Variants in IGFL2 observed in about 807,000 individuals in gnomAD.
IGFL2 encodes insulin growth factor-like family member 2.
In IGFL2, 7 loss-of-function variants were observed where a neutral mutation model predicts 13.9. The observed-to-expected ratio is 0.51, with a 90% CI of 0.29 to 0.95. The LOEUF (loss-of-function observed/expected upper bound fraction) is 0.95, where lower values mean the gene tolerates loss of function less well. Among genes scored for constraint, IGFL2 ranks in the 40% least tolerant of loss-of-function variants. The pLI, the probability that IGFL2 is intolerant of heterozygous loss-of-function variation, is 0.08. For synonymous variants in IGFL2, 55 were observed against 55.8 expected (o/e 0.99, Z 0.07); for missense variants, 138 against 147.8 (o/e 0.93, Z 0.34).
the IGFL2 span, among the ~76,000 whole-genome samples, chr19:46,198,817 T>C: frequency 6.6e-6 from 1 of 152,158 alleles, no homozygotes; most frequent in African/African-American, 2.4e-5. Context: ...GTCCCTCCTG[T>C]ACACACATGC....
chr19:46,188,010 T>C, the IGFL2 span, among the ~76,000 whole-genome samples: 1 of 152,240 alleles, frequency 6.6e-6, no homozygotes, highest in Non-Finnish European at 1.5e-5. Flanking sequence ...GTTACAGTTT[T>C]TAAATTTGAA....
chr19:46,085,024 A>C, the IGFL2 span, among the ~76,000 whole-genome samples: 2 of 152,214 alleles, frequency 1.3e-5, no homozygotes, highest in Non-Finnish European at 2.9e-5. Flanking sequence ...AATCAAAACA[A>C]GTTATTTACT....
At chr19:46,102,459 A>G in the IGFL2 span, among the ~76,000 whole-genome samples, 2 of 152,180 alleles carry the variant, frequency 1.3e-5, no homozygotes, top group Admixed American at 1.3e-4. Context: ...GGGGGAGAAT[A>G]TTACAAAGTA....
chr19:46,128,464 A>G, the IGFL2 span, among the ~76,000 whole-genome samples: 25 of 152,242 alleles, frequency 1.6e-4, no homozygotes, highest in African/African-American at 5.5e-4. Flanking sequence ...CATTCTGTAT[A>G]ATGTTGGCTG....
chr19:46,123,803 C>T, the IGFL2 span: 3 of 1,439,408 alleles, frequency 2.1e-6, no homozygotes, highest in South Asian at 4.2e-5. Context: ...TAGAACTCCA[C>T]AAACAGGAGT....
the IGFL2 span, among the ~76,000 whole-genome samples, chr19:46,180,972 G>T: frequency 6.6e-6 from 1 of 152,192 alleles, no homozygotes; most frequent in African/African-American, 2.4e-5. Flanking sequence ...GCTGCTCCCA[G>T]TGCACTGACT....
chr19:46,102,760 GTCT>G, the IGFL2 span, among the ~76,000 whole-genome samples: 471 of 152,270 alleles, frequency 3.1e-3, 3 homozygotes, highest in African/African-American at 0.011. Context: ...TGACATTTCT[GTCT>G]TCTTATATTA....
chr19:46,149,980 A>G (rs778505439), intron 1 of IGFL2, among the ~76,000 whole-genome samples: 2 of 152,252 alleles, frequency 1.3e-5, no homozygotes, highest in Non-Finnish European at 2.9e-5. Flanking sequence ...TGCATCAATT[A>G]CATTCCCACC....
the IGFL2 span, among the ~76,000 whole-genome samples, chr19:46,092,350 G>A: frequency 1.1e-4 from 17 of 151,644 alleles, no homozygotes; most frequent in Admixed American, 6.6e-4. Flanking sequence ...TTTTTTTTTG[G>A]CCAGCCACAG....
chr19:46,148,344 C>A (rs1201059118), intron 1 of IGFL2, 47 bp downstream of exon 1: 1 of 1,481,514 alleles, frequency 6.7e-7, no homozygotes, highest in South Asian at 1.2e-5. Flanking sequence ...ACTGTTATCC[C>A]TAATGTACCT....
At chr19:46,208,539 G>C in the IGFL2 span, 2 of 152,202 alleles carry the variant, frequency 1.3e-5, no homozygotes, top group African/African-American at 4.8e-5. Flanking sequence ...ACTCAGGATG[G>C]TGCATTCTTA....
chr19:46,114,467 T>C, the IGFL2 span, among the ~76,000 whole-genome samples: 5 of 152,338 alleles, frequency 3.3e-5, no homozygotes, highest in Non-Finnish European at 1.5e-5. Flanking sequence ...ACAGAAGTTA[T>C]TGGCGAACTC....
chr19:46,139,976 T>C (rs1192613148), upstream of IGFL2, among the ~76,000 whole-genome samples: 2 of 151,632 alleles, frequency 1.3e-5, no homozygotes, highest in African/African-American at 4.9e-5. Context: ...TGAGACGGAG[T>C]TTCATTCTTG....
the IGFL2 span, among the ~76,000 whole-genome samples, chr19:46,135,677 T>A: frequency 6.6e-6 from 1 of 152,176 alleles, no homozygotes; most frequent in African/African-American, 2.4e-5. Context: ...GCTGTGTAGA[T>A]CTAGAACTAA....
chr19:46,138,750 G>A (rs905751239), upstream of IGFL2, among the ~76,000 whole-genome samples: 5 of 152,240 alleles, frequency 3.3e-5, no homozygotes, highest in African/African-American at 7.2e-5. Flanking sequence ...CAGATGTGGC[G>A]GGTAGGGAAC....
chr19:46,117,061 A>G, the IGFL2 span, among the ~76,000 whole-genome samples: 2 of 152,234 alleles, frequency 1.3e-5, no homozygotes, highest in South Asian at 4.2e-4. Flanking sequence ...TCTAAAATGA[A>G]GCCTTAAAAT....
chr19:46,133,740 G>A, the IGFL2 span, among the ~76,000 whole-genome samples: 1 of 152,176 alleles, frequency 6.6e-6, no homozygotes, highest in Non-Finnish European at 1.5e-5. Flanking sequence ...TTCTCAATTA[G>A]ACTGGGAGGA....
the IGFL2 span, among the ~76,000 whole-genome samples, chr19:46,192,234 A>G: frequency 6.6e-6 from 1 of 152,166 alleles, no homozygotes; most frequent in Non-Finnish European, 1.5e-5. Context: ...ACTGTGGGTG[A>G]GTTATGAAGC....
the IGFL2 span, among the ~76,000 whole-genome samples, chr19:46,101,718 C>T: frequency 6.6e-6 from 1 of 152,142 alleles, no homozygotes; most frequent in Non-Finnish European, 1.5e-5. Flanking sequence ...GATGGCTGGC[C>T]CTCCTCCCCA....
Sources: allele counts gnomAD v4.1 joint callset (sites outside exome capture counted in the v4.1 genomes callset), GRCh38; gene constraint gnomAD v4.1.1; transcripts MANE v1.5; gene names NCBI Gene and HGNC (gene_info 2026-07-23, HGNC 2026-07-21).